The following NETO1 variants were observed in gnomAD, a reference collection of about 807,000 sequenced individuals.
The protein encoded by NETO1 is neuropilin and tolloid-like protein 1.
In NETO1, 26 loss-of-function variants were observed where a neutral mutation model predicts 61.3. The ratio of observed to expected loss-of-function variants is 0.42; its 90% CI spans 0.31 to 0.59. The LOEUF (loss-of-function observed/expected upper bound fraction) is 0.59. Among genes scored for constraint, NETO1 ranks in the 20% least tolerant of loss-of-function variants. The pLI is 0.12. For missense variants in NETO1, 531 were observed against 662.8 expected (o/e 0.80, Z 2.18); for synonymous variants, 225 against 225.8 (o/e 1.00, Z 0.03).
chr18:72,775,322 G>A (rs1199542661), intron 7 of NETO1, among the ~76,000 whole-genome samples: 4 of 152,104 alleles, frequency 2.6e-5, no homozygotes, highest in South Asian at 2.1e-4. Flanking sequence ...CAAGTTAAAC[G>A]TCTGCTGAAT....
At chr18:72,863,314 C>T (rs1173705686) in intron 3 of NETO1, among the ~76,000 whole-genome samples, 1 of 152,174 alleles carries the variant, frequency 6.6e-6, no homozygotes, top group Admixed American at 6.5e-5. Flanking sequence ...ATAATGCCTT[C>T]CCTGGACATT....
chr18:72,782,204 AT>A (rs2071765766), intron 7 of NETO1, among the ~76,000 whole-genome samples: 1 of 152,204 alleles, frequency 6.6e-6, no homozygotes, highest in South Asian at 2.1e-4. Flanking sequence ...GCTACATAGT[AT>A]TCCACAATAT....
intron 4 of NETO1, among the ~76,000 whole-genome samples, chr18:72,828,331 C>A (rs1157440700): frequency 6.6e-6 from 1 of 151,978 alleles, no homozygotes; most frequent in Admixed American, 6.6e-5. Flanking sequence ...AAAAGCAAAT[C>A]AAGAGCTCCC....
chr18:72,749,128 TGC>T, intron 9 of NETO1, 40 bp from the exon 10 acceptor site: 1 of 1,183,428 alleles, frequency 8.5e-7, no homozygotes, highest in Non-Finnish European at 1.2e-6. Flanking sequence ...AAGTACTATT[TGC>T]ACAAAAAAAT....
Position 72,750,161 on chromosome 18 carries a change from C to T in NETO1, c.1442G>A (p.Ser481Asn), listed in dbSNP as rs922999. The change falls in exon 9 of 11, where the codon AGC (serine) becomes AAC (asparagine). Residue 481 changes from serine (S) to asparagine (N), a missense_variant. Ser to Asn is a conservative substitution (Grantham distance 46). Coordinates refer to ENST00000327305, the MANE Select transcript of NETO1 (RefSeq NM_138966.5). ...NRRNILVMKH[S>N]YSQDAADACD... ...GGCATCTGCAGCATCTTGCGAGTAG[C>T]TGTGTTTCATGACAAGGATATTTCT... 1 allele frequency: 1,611,256 copies of T among 1,614,034 alleles called. 804,290 individuals are homozygous for T. Among genetic ancestry groups the T allele is most frequent in the East Asian group, 1 (44,850 of 44,850 alleles).
At chr18:72,837,565 C>A (rs77039631) in intron 4 of NETO1, among the ~76,000 whole-genome samples, 3,751 of 152,208 alleles carry the variant, frequency 0.025, 134 homozygotes, top group African/African-American at 0.086. Context: ...TTTAAAGTGG[C>A]TGATTTTTGG....
chr18:72,759,412 C>G (rs137946587), intron 7 of NETO1, among the ~76,000 whole-genome samples: 37 of 152,146 alleles, frequency 2.4e-4, no homozygotes, highest in African/African-American at 8.7e-4. Context: ...TGTGACTATG[C>G]TTTTTTAAAA....
chr18:72,864,687 T>C (rs1014551300), intron 3 of NETO1, 121 bp downstream of exon 3: 2 of 1,269,200 alleles, frequency 1.6e-6, no homozygotes, highest in Non-Finnish European at 2.2e-6. Context: ...TCAAGAGATA[T>C]TTTTGCGCAT....
chr18:72,778,997 C>T (rs2145210875), intron 7 of NETO1, among the ~76,000 whole-genome samples: 1 of 152,280 alleles, frequency 6.6e-6, no homozygotes, highest in Admixed American at 6.5e-5. Context: ...AAATTCCAAC[C>T]TCTTAGTTTT....
At chr18:72,770,197 A>G (rs2071308196) in intron 7 of NETO1, among the ~76,000 whole-genome samples, 1 of 151,994 alleles carries the variant, frequency 6.6e-6, no homozygotes, top group Non-Finnish European at 1.5e-5. Flanking sequence ...CTTATGAATT[A>G]ATTATGCACA....
intron 10 of NETO1, 116 bp downstream of exon 10, chr18:72,748,898 A>G (rs1227518804): frequency 1.4e-6 from 1 of 730,190 alleles, no homozygotes; most frequent in Non-Finnish European, 2.5e-6. Context: ...AAATGTCATG[A>G]AACACATATC....
At chr18:72,866,311 G>A (rs961397912) in intron 1 of NETO1, among the ~76,000 whole-genome samples, 5 of 151,968 alleles carry the variant, frequency 3.3e-5, no homozygotes, top group Non-Finnish European at 7.4e-5. Context: ...ACGTATCTAG[G>A]TCTTGATATT....
chr18:72,750,765 G>C, intron 8 of NETO1, 145 bp from the exon 9 acceptor site: 2 of 553,086 alleles, frequency 3.6e-6, no homozygotes, highest in South Asian at 3.4e-5. Context: ...AATAACTTAA[G>C]AAAATATTTA....
chr18:72,759,113 T>C (rs931203425), intron 7 of NETO1, among the ~76,000 whole-genome samples: 15 of 152,122 alleles, frequency 9.9e-5, no homozygotes, highest in Non-Finnish European at 2.1e-4. Context: ...ACGACTTGCG[T>C]GCACTCGGTG....
chr18:72,843,857 A>G (rs2074007651), intron 4 of NETO1, among the ~76,000 whole-genome samples: 1 of 152,356 alleles, frequency 6.6e-6, no homozygotes, highest in Middle Eastern at 3.4e-3. Flanking sequence ...ACTGAATAAA[A>G]TGTAAAATTC....
intron 4 of NETO1, among the ~76,000 whole-genome samples, chr18:72,818,230 T>G (rs1239638218): frequency 6.6e-6 from 1 of 152,218 alleles, no homozygotes; most frequent in African/African-American, 2.4e-5. Flanking sequence ...AATCTGACCA[T>G]GCTGTCTATT....
chr18:72,786,461 C>A (rs946539153), intron 6 of NETO1, among the ~76,000 whole-genome samples: 20 of 152,084 alleles, frequency 1.3e-4, no homozygotes, highest in African/African-American at 4.6e-4. Flanking sequence ...CAAGGTAGGA[C>A]GATTTTCATA....
chr18:72,762,592 G>C (rs1323972570), intron 7 of NETO1, among the ~76,000 whole-genome samples: 1 of 152,090 alleles, frequency 6.6e-6, no homozygotes, highest in Non-Finnish European at 1.5e-5. Context: ...AATCAAAAAA[G>C]TTAATTTTCT....
chr18:72,863,110 A>G (rs759353728), intron 3 of NETO1, among the ~76,000 whole-genome samples: 1 of 152,138 alleles, frequency 6.6e-6, no homozygotes, highest in Admixed American at 6.5e-5. Context: ...ATGGCACCTC[A>G]TTGTCTCCAA....
Sources: allele counts gnomAD v4.1 joint callset (sites outside exome capture counted in the v4.1 genomes callset), GRCh38; gene constraint gnomAD v4.1.1; transcripts MANE v1.5; gene names NCBI Gene and HGNC (gene_info 2026-07-23, HGNC 2026-07-21).